Variants in TAB3 observed in about 807,000 individuals in gnomAD.
The protein encoded by TAB3 is TGF-beta activated kinase 1 (MAP3K7) binding protein 3, also known as TGF-beta-activated kinase 1 and MAP3K7-binding protein 3.
Under a neutral mutation model 48.1 loss-of-function variants are expected in TAB3, and 18 were observed. That is an observed-to-expected ratio of 0.37 (90% CI 0.26 to 0.55). The LOEUF (loss-of-function observed/expected upper bound fraction) is 0.55. TAB3 is among the 20% of genes least tolerant of loss of function. The pLI is 0.78. For missense variants in TAB3, 414 were observed against 549.8 expected (o/e 0.75, Z 2.47); for synonymous variants, 185 against 190.2 (o/e 0.97, Z 0.22).
chrX:30,875,770 C>T (rs1261345235), intron 1 of TAB3, among the ~76,000 whole-genome samples: 1 of 112,025 alleles, frequency 8.9e-6, no homozygotes, highest in Non-Finnish European at 1.9e-5. Flanking sequence ...AAACAATTTA[C>T]TTATATTTAC....
rs1217001956 is a variant in TAB3, at chrX:30,829,788, T to C, written c.*1639A>G. ...TACGCCTTTGGTTTCATTATGCTAT[T>C]AAGAGCAGCTTGTTTTTCCAGGTCT... On this transcript the variant is annotated 3_prime_UTR_variant, in exon 11 of 11. Transcript: ENST00000288422. 9.9e-6 allele frequency: 1 copy of C among 100,588 alleles called. No homozygotes were observed. Among genetic ancestry groups the C allele is most frequent in the Non-Finnish European group, 2.0e-5 (1 of 50,167 alleles). 8.3% of individuals were successfully genotyped at this position (100,588 alleles called of 1,213,427 possible).
chrX:30,872,239 GGAC>G (rs1427392103), intron 1 of TAB3, among the ~76,000 whole-genome samples: 1 of 111,988 alleles, frequency 8.9e-6, no homozygotes, highest in Non-Finnish European at 1.9e-5. Flanking sequence ...AAAATTTAAA[GGAC>G]TCCGTGGTGA....
At chrX:30,862,398 C>T (rs766851169) in intron 4 of TAB3, among the ~76,000 whole-genome samples, 5 of 112,013 alleles carry the variant, frequency 4.5e-5, no homozygotes, top group Admixed American at 2.8e-4. Context: ...TATTCATTTT[C>T]CAACCTTAAT....
At chrX:30,886,999 G>A in intron 1 of TAB3, among the ~76,000 whole-genome samples, 1 of 111,941 alleles carries the variant, frequency 8.9e-6, no homozygotes, top group Non-Finnish European at 1.9e-5. Flanking sequence ...CGTCTTTTCT[G>A]CAAATCATGA....
chrX:30,839,925 TATATATATA>T (rs1385514373), intron 9 of TAB3, among the ~76,000 whole-genome samples: 2 of 86,555 alleles, frequency 2.3e-5, no homozygotes, highest in Non-Finnish European at 4.3e-5. Flanking sequence ...TATATATATA[TATATATATA>T]TATATATATA....
intron 9 of TAB3, chrX:30,836,039 A>C (rs1364481477): frequency 8.9e-6 from 1 of 112,304 alleles, no homozygotes; most frequent in African/African-American, 3.2e-5. Context: ...TTTCAAATAC[A>C]ATATGAGAAT....
chrX:30,874,322 CATT>C (rs1477577291), intron 1 of TAB3, among the ~76,000 whole-genome samples: 1 of 112,139 alleles, frequency 8.9e-6, no homozygotes, highest in Non-Finnish European at 1.9e-5. Flanking sequence ...AAGATAATAA[CATT>C]GTAGCTATGT....
At chrX:30,849,678 T>G (rs1027545498) in intron 7 of TAB3, among the ~76,000 whole-genome samples, 1 of 112,384 alleles carries the variant, frequency 8.9e-6, no homozygotes, top group South Asian at 3.7e-4. Context: ...AAATCAGATA[T>G]AGCCAGTGAG....
At chrX:30,868,565 GCTTATATAT>G (rs1939556674) in intron 2 of TAB3, among the ~76,000 whole-genome samples, 1 of 11,814 alleles carries the variant, frequency 8.5e-5, no homozygotes, top group African/African-American at 5.4e-4. Context: ...TATATATATA[GCTTATATAT>G]ATATATATAT....
intron 10 of TAB3, among the ~76,000 whole-genome samples, chrX:30,832,292 A>G (rs1482860141): frequency 8.9e-6 from 1 of 112,140 alleles, no homozygotes; most frequent in Non-Finnish European, 1.9e-5. Flanking sequence ...TGAAAAAGAT[A>G]TCCAAACTTA....
In TAB3 at chrX:30,846,571, A is replaced by G. The variant is rs374854539; in HGVS notation, c.1784T>C (p.Val595Ala). Residue 595 changes from valine (V) to alanine (A), a missense_variant, in exon 8 of 11, where the codon GTT becomes GCT. Val to Ala is a moderately conservative substitution (Grantham distance 64). Coordinates refer to ENST00000288422, the MANE Select transcript of TAB3 (RefSeq NM_152787.5). ...QINVDCTLKE[V>A]DLLQSRGNFD... Reference sequence around the variant, plus strand: ...TATACCTCTAGATTGAAGGAGGTCAACTTCTTTCAGTGTACAGTCAACATT... The same window carrying G: ...TATACCTCTAGATTGAAGGAGGTCAGCTTCTTTCAGTGTACAGTCAACATT... 5 of 1,199,325 alleles carry G rather than the reference A, an allele frequency of 4.2e-6. No individual in the cohort carries two copies. The highest frequency in any genetic ancestry group is 5.6e-6 in the Non-Finnish European group (5 of 887,554).
chrX:30,869,117 A>G (rs144789541), intron 2 of TAB3, among the ~76,000 whole-genome samples: 6,079 of 108,199 alleles, frequency 0.056, 352 homozygotes, highest in African/African-American at 0.17. Context: ...CTGGAGTGCA[A>G]TGGCACGATC....
intron 7 of TAB3, among the ~76,000 whole-genome samples, chrX:30,848,392 C>G (rs780473567): frequency 9.0e-6 from 1 of 111,125 alleles, no homozygotes; most frequent in Non-Finnish European, 1.9e-5. Flanking sequence ...CGTGGTGGTG[C>G]GTGCCTGTAG....
At chrX:30,865,517 C>T (rs1427196796) in intron 4 of TAB3, among the ~76,000 whole-genome samples, 17 of 111,719 alleles carry the variant, frequency 1.5e-4, no homozygotes, top group East Asian at 2.8e-4. Flanking sequence ...TTTACTGAGC[C>T]GTATCTGAGT....
intron 2 of TAB3, among the ~76,000 whole-genome samples, chrX:30,871,009 T>C (rs763089022): frequency 8.9e-6 from 1 of 112,567 alleles, no homozygotes; most frequent in Non-Finnish European, 1.9e-5. Flanking sequence ...AGTATTTAAT[T>C]CACAGCACAT....
intron 9 of TAB3, chrX:30,836,051 T>C (rs951525397): frequency 2.7e-5 from 3 of 112,281 alleles, no homozygotes; most frequent in Non-Finnish European, 5.6e-5. Context: ...TATGAGAATC[T>C]GCAAGTGCTT....
At chrX:30,837,481 C>CAT (rs1372253772) in intron 9 of TAB3, among the ~76,000 whole-genome samples, 1 of 111,779 alleles carries the variant, frequency 8.9e-6, no homozygotes, top group South Asian at 3.7e-4. Context: ...CATGGTCTTT[C>CAT]ATATATATAT....
intron 2 of TAB3, among the ~76,000 whole-genome samples, chrX:30,868,532 T>G (rs1385488983): frequency 8.4e-4 from 3 of 3,564 alleles, no homozygotes; most frequent in Non-Finnish European, 1.3e-3. Flanking sequence ...TATATATATA[T>G]ATAGCTTATA....
At chrX:30,880,420 T>G (rs1319045986) in intron 1 of TAB3, among the ~76,000 whole-genome samples, 2 of 111,850 alleles carry the variant, frequency 1.8e-5, no homozygotes, top group African/African-American at 6.5e-5. Context: ...GGAAATGGTG[T>G]GCTGGGAAAA....
Sources: gnomAD v4.1 joint callset for allele counts (sites outside exome capture counted in the v4.1 genomes callset) on GRCh38, gnomAD v4.1.1 for gene constraint, MANE v1.5 for transcripts, NCBI Gene and HGNC (gene_info 2026-07-23, HGNC 2026-07-21) for gene names.